LRP1B: variants seen among roughly 807,000 people sequenced by gnomAD.
LRP1B encodes the protein LDL receptor related protein 1B, also known as low-density lipoprotein receptor-related protein 1B.
In LRP1B, 217 loss-of-function variants were observed where a neutral mutation model predicts 556.6. That is an observed-to-expected ratio of 0.39 (90% CI 0.35 to 0.44). The LOEUF is 0.44. LRP1B is among the 20% of genes least tolerant of loss of function. The pLI, the probability that LRP1B is intolerant of heterozygous loss-of-function variation, is 1.00. For missense variants in LRP1B, 5,053 were observed against 5,620.8 expected (o/e 0.90, Z 3.23); for synonymous variants, 2,047 against 1,865.8 (o/e 1.10, Z -2.50).
intron 7 of LRP1B, among the ~76,000 whole-genome samples, chr2:141,160,995 A>G (rs949502189): frequency 2.0e-5 from 3 of 152,110 alleles, no homozygotes; most frequent in African/African-American, 7.2e-5. Flanking sequence ...AAATGTTATC[A>G]TTAGGGAAAG....
At chr2:141,355,979 G>C (rs1299036668) in intron 3 of LRP1B, among the ~76,000 whole-genome samples, 1 of 151,988 alleles carries the variant, frequency 6.6e-6, no homozygotes, top group Admixed American at 6.6e-5. Flanking sequence ...AATTATCAGG[G>C]CCTTCCTCAG....
At chr2:141,017,319 T>C (rs183029856) in intron 12 of LRP1B, among the ~76,000 whole-genome samples, 2 of 152,104 alleles carry the variant, frequency 1.3e-5, no homozygotes, top group East Asian at 3.9e-4. Flanking sequence ...AATTTTCTTA[T>C]ATACAGTTAA....
At chr2:140,410,382 G>T (rs962521727) in intron 66 of LRP1B, among the ~76,000 whole-genome samples, 1 of 151,690 alleles carries the variant, frequency 6.6e-6, no homozygotes, top group African/African-American at 2.4e-5. Context: ...TACAGTACAT[G>T]ATTGTTCTCT....
intron 32 of LRP1B, among the ~76,000 whole-genome samples, chr2:140,794,716 C>T (rs1690243720): frequency 6.6e-6 from 1 of 151,882 alleles, no homozygotes; most frequent in East Asian, 1.9e-4. Context: ...TGGGTTCAAG[C>T]GCTTCTCCTG....
intron 3 of LRP1B, among the ~76,000 whole-genome samples, chr2:141,327,892 G>GAC (rs10643287): frequency 0.042 from 4,118 of 97,896 alleles, 183 homozygotes; most frequent in African/African-American, 0.15. Context: ...GAGAGAGAGA[G>GAC]AGAGAGAGAC....
chr2:141,022,571 A>G (rs1158225320), intron 11 of LRP1B, among the ~76,000 whole-genome samples: 1 of 151,946 alleles, frequency 6.6e-6, no homozygotes, highest in African/African-American at 2.4e-5. Context: ...CATCAGTCTT[A>G]TGTACGTTTG....
intron 3 of LRP1B, among the ~76,000 whole-genome samples, chr2:141,353,619 A>G (rs1174418618): frequency 6.6e-6 from 1 of 152,038 alleles, no homozygotes; most frequent in African/African-American, 2.4e-5. Flanking sequence ...AGACAAGCTT[A>G]TGGATGAGAA....
intron 12 of LRP1B, among the ~76,000 whole-genome samples, chr2:141,017,417 T>TTA (rs1697934628): frequency 6.7e-6 from 1 of 149,122 alleles, no homozygotes; most frequent in Admixed American, 6.8e-5. Context: ...TGGCAACATG[T>TTA]TTTTTTTTTC....
chr2:141,929,505 A>T (rs932074781), intron 1 of LRP1B, among the ~76,000 whole-genome samples: 1 of 152,008 alleles, frequency 6.6e-6, no homozygotes, highest in East Asian at 1.9e-4. Context: ...GCACAACCAC[A>T]ACATCGTAGG....
In LRP1B at chr2:140,928,190, C is replaced by A. The variant is rs1192112354; in HGVS notation, c.3137-5043G>T. On this transcript the variant is annotated intron_variant, in intron 20 of 90. Coordinates refer to ENST00000389484, the MANE Select transcript of LRP1B (RefSeq NM_018557.3). ...ACTTGAACATGAGCAGAGAAGGGAG[C>A]ATATAGGCTTTCAATAAATAATTAT... Among the ~76,000 whole-genome samples, 3 of 152,130 alleles carry A rather than the reference C, an allele frequency of 2.0e-5. No homozygotes were observed. The East Asian group carries it at 5.8e-4, about 29-fold the overall frequency.
At chr2:142,116,612 G>T (rs772138680) in intron 1 of LRP1B, among the ~76,000 whole-genome samples, 3 of 152,084 alleles carry the variant, frequency 2.0e-5, no homozygotes, top group Non-Finnish European at 4.4e-5. Context: ...TCTTGCCAAT[G>T]CTACATTTTT....
intron 2 of LRP1B, among the ~76,000 whole-genome samples, chr2:141,654,818 T>C (rs1689940875): frequency 6.6e-6 from 1 of 151,872 alleles, no homozygotes; most frequent in African/African-American, 2.4e-5. Context: ...TTTAATTCTG[T>C]TCCCATCTAC....
chr2:142,127,663 G>C (rs1045912378), intron 1 of LRP1B, among the ~76,000 whole-genome samples: 1 of 151,878 alleles, frequency 6.6e-6, no homozygotes, highest in African/African-American at 2.4e-5. Context: ...GACATAAATC[G>C]CAGTTCATTC....
rs1702881660 is a variant in LRP1B, at chr2:142,009,148, T to C, written c.82+121500A>G. Among the ~76,000 whole-genome samples, 2 of 152,216 alleles carry C rather than the reference T, an allele frequency of 1.3e-5. 1 individual carries two copies. Among genetic ancestry groups the C allele is most frequent in the South Asian group, 4.1e-4 (2 of 4,830 alleles). ...TGCTTTTGTTTGTTTGGAAAGGGTA[T>C]TTTCCTCAGCATCTCTCAAGTCATG... On this transcript the variant is annotated intron_variant, in intron 1 of 90. Transcript: ENST00000389484.
chr2:141,859,720 T>C (rs1162254200), intron 1 of LRP1B, among the ~76,000 whole-genome samples: 2 of 152,206 alleles, frequency 1.3e-5, no homozygotes, highest in African/African-American at 4.8e-5. Context: ...ATTTGATCAT[T>C]ACACAGTATA....
chr2:141,513,806 A>G (rs1376783617), intron 2 of LRP1B, among the ~76,000 whole-genome samples: 1 of 152,210 alleles, frequency 6.6e-6, no homozygotes, highest in African/African-American at 2.4e-5. Context: ...TTCACAAAGT[A>G]AAGGCTCTTC....
chr2:140,936,339 C>CAAAAAA (rs59717868), intron 20 of LRP1B, among the ~76,000 whole-genome samples: 17 of 86,812 alleles, frequency 2.0e-4, no homozygotes, highest in African/African-American at 3.7e-4. Flanking sequence ...GACTCCGTCT[C>CAAAAAA]AAAAAAAAAA....
At chr2:141,806,220 T>A (rs1696163693) in intron 2 of LRP1B, among the ~76,000 whole-genome samples, 1 of 152,040 alleles carries the variant, frequency 6.6e-6, no homozygotes, top group Non-Finnish European at 1.5e-5. Flanking sequence ...CAAGAAGACG[T>A]TCCTGCTACA....
intron 1 of LRP1B, among the ~76,000 whole-genome samples, chr2:141,845,800 T>A (rs975219553): frequency 2.0e-5 from 3 of 151,696 alleles, no homozygotes; most frequent in Non-Finnish European, 4.4e-5. Context: ...AAAGAAACAT[T>A]ATAAACATTG....
Sources: gnomAD v4.1 joint callset for allele counts (sites outside exome capture counted in the v4.1 genomes callset) on GRCh38, gnomAD v4.1.1 for gene constraint, MANE v1.5 for transcripts, NCBI Gene and HGNC (gene_info 2026-07-23, HGNC 2026-07-21) for gene names.